Variants in USP36 observed in about 807,000 individuals in gnomAD.
USP36 encodes ubiquitin specific peptidase 36, also known as ubiquitin carboxyl-terminal hydrolase 36.
In USP36, 59 loss-of-function variants were observed where a neutral mutation model predicts 111.5. The observed-to-expected ratio is 0.53, with a 90% CI of 0.43 to 0.66. USP36 has a LOEUF of 0.66. Among genes scored for constraint, USP36 ranks in the 30% least tolerant of loss-of-function variants. The probability of loss-of-function intolerance (pLI) is 0.00; values close to 1 mark genes in which losing one functional copy is unlikely to be tolerated. For missense variants in USP36, 1,488 were observed against 1,468.0 expected (o/e 1.01, Z -0.22); for synonymous variants, 628 against 581.0 (o/e 1.08, Z -1.16).
chr17:78,812,435 A>G (rs2094083954), intron 13 of USP36, among the ~76,000 whole-genome samples: 1 of 152,090 alleles, frequency 6.6e-6, no homozygotes, highest in Admixed American at 6.5e-5. Context: ...CATGCCTGTA[A>G]TCCCAGCACT....
Position 78,820,004 on chromosome 17 carries a change from C to T in USP36, c.837G>A (p.Ala279=), listed in dbSNP as rs750276583. 1.2e-5 allele frequency: 19 copies of T among 1,614,110 alleles called. No homozygotes were observed. The highest frequency in any genetic ancestry group is 4.4e-5 in the South Asian group (4 of 91,072). ...LDVALEIRQA[A]NIVRALELFV... is the part of the protein sequence containing the mutation. ...AAAGTTCCAGAGCACGCACAATATTCGCAGCTTGCTGAGGAGGACAAAAAC... is the reference window on the plus strand; with the variant it reads ...AAAGTTCCAGAGCACGCACAATATTTGCAGCTTGCTGAGGAGGACAAAAAC... The change falls in exon 9 of 21, where the codon GCG becomes GCA. Residue 279 remains alanine (A), a synonymous_variant. Coordinates refer to ENST00000449938, the MANE Select transcript of USP36 (RefSeq NM_001385174.1).
rs773808717 is a variant in USP36, at chr17:78,813,789, C to T, written c.1249G>A (p.Val417Met). ...VKVVLNQQAY[V>M]LFYLRIPGSK... ...GTTTATTACCGCAGATAGAACAGCA[C>T]GTAGGCCTGCTGGTTCAGAACCACC... is the stretch of plus-strand genomic sequence containing the variant. The change falls in exon 12 of 21, where the codon GTG becomes ATG. Residue 417 changes from valine to methionine, a missense_variant. Around this residue, in one of 3 missense-constraint regions of USP36, gnomAD observed 1,073 missense variants for 994.1 expected, o/e 1.08. Coordinates refer to ENST00000449938, the MANE Select transcript of USP36 (RefSeq NM_001385174.1). The T allele has an allele frequency of 2.1e-5, 34 of 1,613,896 alleles. No homozygotes were observed. In the South Asian group the frequency reaches 2.9e-4, roughly 14 times the overall value.
intron 17 of USP36, among the ~76,000 whole-genome samples, chr17:78,801,963 G>A (rs1216298639): frequency 1.3e-5 from 2 of 152,136 alleles, no homozygotes; most frequent in Non-Finnish European, 2.9e-5. Flanking sequence ...GGGGTGGGGG[G>A]TGAAGGTTGG....
At chr17:78,835,928 G>T in intron 3 of USP36, 183 bp downstream of exon 3, 1 of 880,062 alleles carries the variant, frequency 1.1e-6, no homozygotes. Context: ...CAAGCACACA[G>T]ATTTCCTTGC....
chr17:78,791,125 CCTT>C (rs1247284855), downstream of USP36, among the ~76,000 whole-genome samples: 19 of 147,032 alleles, frequency 1.3e-4, no homozygotes, highest in African/African-American at 4.0e-4. Context: ...CCCAATCTGG[CCTT>C]CTTTTTTTTT....
In USP36 at chr17:78,798,124, C is replaced by G; in HGVS notation, c.*21-245G>C. On this transcript the variant is annotated intron_variant, in intron 20 of 20. Coordinates refer to ENST00000449938, the MANE Select transcript of USP36 (RefSeq NM_001385174.1). The surrounding 1 kb of genome is among the most constrained non-coding windows in gnomAD (Gnocchi z 5.1). ...ACACATGCCACAGATGCCAGGTGTA[C>G]ACACCCCACACCCAACACACACTAC... The G allele has an allele frequency of 2.4e-6, 1 of 425,466 alleles. No homozygotes were observed. The highest frequency in any genetic ancestry group is 3.9e-5 in the South Asian group (1 of 25,528). 26.4% of individuals were successfully genotyped at this position (425,466 alleles called of 1,614,324 possible). A position where few individuals can be genotyped will look rare whatever the true frequency, so the allele number is the denominator to read the frequency against.
Position 78,833,696 on chromosome 17 carries a change from C to T in USP36, c.475+1584G>A, listed in dbSNP as rs139624691. Among the ~76,000 whole-genome samples the T allele has an allele frequency of 3.9e-5, 6 of 152,242 alleles. No individual in the cohort carries two copies. In the South Asian group the frequency reaches 6.2e-4, roughly 16 times the overall value. Reference sequence around the variant, plus strand: ...CAGAATTCTACTTAGAGATTTTCTGCGATGAAAACATCCTGCATTCCTAGG... The same window carrying T: ...CAGAATTCTACTTAGAGATTTTCTGTGATGAAAACATCCTGCATTCCTAGG... On this transcript the variant is annotated intron_variant, in intron 4 of 20. Transcript: ENST00000449938.
Position 78,814,709 on chromosome 17 carries a change from T to C in USP36, c.1024-157A>G, listed in dbSNP as rs148975174. Among the ~76,000 whole-genome samples the C allele has an allele frequency of 1.7e-3, 266 of 152,212 alleles. 2 individuals are homozygous for C. The highest frequency in any genetic ancestry group is 6.0e-3 in the African/African-American group (248 of 41,524). On this transcript the variant is annotated intron_variant, in intron 10 of 20. Coordinates refer to ENST00000449938, the MANE Select transcript of USP36 (RefSeq NM_001385174.1). ...GGCTCACGCCTGTAATCCCAGCACT[T>C]TGGGAGGCTGAGGCAGGGGGATCAC...
chr17:78,826,507 T>A (rs978952718), intron 6 of USP36: 1 of 152,640 alleles, frequency 6.6e-6, no homozygotes, highest in African/African-American at 2.4e-5. Flanking sequence ...CTGAGGCCAG[T>A]AGTTTTGCCA....
At chr17:78,799,895 T>TTTTC (rs1371203431) in intron 17 of USP36, 127 bp from the exon 18 acceptor site, 2 of 650,982 alleles carry the variant, frequency 3.1e-6, no homozygotes, top group Non-Finnish European at 4.8e-6. Context: ...TTTTTTTTTT[T>TTTTC]TTTTTTTTTT....
intron 15 of USP36, among the ~76,000 whole-genome samples, chr17:78,805,552 C>T (rs1005342233): frequency 2.6e-5 from 4 of 152,160 alleles, no homozygotes; most frequent in Non-Finnish European, 2.9e-5. Flanking sequence ...CCACTCCCAG[C>T]GGCTTCCAGA....
At position 78,836,185 on chromosome 17, in the gene USP36, T is replaced by C. The variant is rs369343127; in HGVS notation, c.179A>G (p.Tyr60Cys). The stretch of plus-strand genomic sequence containing the variant: ...CTCTGTTTTGGGGTTGAGCAACACA[T>C]ATTTGCTCTTTAAGGCCTCCAGCTG... ...SYQLEALKSK[Y>C]VLLNPKTEGA... Residue 60 changes from tyrosine (Y) to cysteine (C), a missense_variant, in exon 3 of 21, where the codon TAT (tyrosine) becomes TGT (cysteine). Physicochemically the swap from Tyr to Cys is radical, Grantham distance 194. Around this residue, in one of 3 missense-constraint regions of USP36, gnomAD observed 219 missense variants for 209.5 expected, o/e 1.05. Transcript: ENST00000449938. 1.5e-5 allele frequency: 24 copies of C among 1,614,018 alleles called. No individual in the cohort carries two copies. In the Admixed American group the frequency reaches 1.7e-4, roughly 11 times the overall value.
chr17:78,840,157 T>G (rs1462735133), intron 1 of USP36, among the ~76,000 whole-genome samples: 7 of 151,946 alleles, frequency 4.6e-5, no homozygotes, highest in Non-Finnish European at 1.0e-4. Context: ...GTGGCGAGCG[T>G]TACGTAAACG....
At chr17:78,813,064 T>A (rs1388296499) in intron 12 of USP36, 63 bp from the exon 13 acceptor site, 9 of 1,600,602 alleles carry the variant, frequency 5.6e-6, no homozygotes, top group Non-Finnish European at 7.7e-6. Flanking sequence ...CGGAGAGAAT[T>A]AGAATAAGTT....
chr17:78,806,848 A>G (rs2093915427), intron 14 of USP36, 111 bp downstream of exon 14: 21 of 1,419,252 alleles, frequency 1.5e-5, no homozygotes, highest in Non-Finnish European at 2.0e-5. Context: ...TTCCTCTAAC[A>G]TGAGGGAGGC....
chr17:78,826,481 G>GT (rs1567960159), intron 6 of USP36: 1 of 152,252 alleles, frequency 6.6e-6, no homozygotes. Context: ...TCTTATTTAC[G>GT]TAAGAATATC....
chr17:78,809,796 C>T (rs2094004222), intron 13 of USP36, among the ~76,000 whole-genome samples: 1 of 152,004 alleles, frequency 6.6e-6, no homozygotes, highest in Non-Finnish European at 1.5e-5. Context: ...CTAATTTTTG[C>T]ACTTTTTTTG....
At chr17:78,815,176 A>G (rs1350386705) in intron 10 of USP36, among the ~76,000 whole-genome samples, 1 of 152,076 alleles carries the variant, frequency 6.6e-6, no homozygotes, top group African/African-American at 2.4e-5. Context: ...TACTAAAAAT[A>G]CAAAAATTAG....
At chr17:78,823,019 G>A (rs927089609) in intron 6 of USP36, 15 of 397,638 alleles carry the variant, frequency 3.8e-5, no homozygotes, top group Non-Finnish European at 5.8e-5. Context: ...CGTTTCCCAC[G>A]GCCACCCAGA....
Sources: allele counts gnomAD v4.1 joint callset (sites outside exome capture counted in the v4.1 genomes callset), GRCh38; gene constraint gnomAD v4.1.1; regional missense constraint gnomAD v4.1.1; non-coding constraint Gnocchi (gnomAD v3.1); transcripts MANE v1.5; gene names NCBI Gene and HGNC (gene_info 2026-07-23, HGNC 2026-07-21).